Variants in ADARB1 observed in about 807,000 individuals in gnomAD.
ADARB1 encodes double-stranded RNA-specific editase 1.
In ADARB1, 10 loss-of-function variants were observed where a neutral mutation model predicts 52.4. The observed-to-expected ratio is 0.19, with a 90% CI of 0.12 to 0.32. The LOEUF (loss-of-function observed/expected upper bound fraction) is 0.32. Ranked by LOEUF, ADARB1 falls within the 10% of genes least tolerant of loss-of-function variation. The probability of loss-of-function intolerance (pLI) is 1.00; values close to 1 mark genes in which losing one functional copy is unlikely to be tolerated. For synonymous variants in ADARB1, 349 were observed against 371.1 expected, an observed-to-expected ratio of 0.94 and a Z score of 0.68; for missense variants, 643 against 922.3, an observed-to-expected ratio of 0.70 and a Z score of 3.92.
At chr21:45,166,244 T>A (rs1051633793) in intron 2 of ADARB1, among the ~76,000 whole-genome samples, 5 of 152,150 alleles carry the variant, frequency 3.3e-5, no homozygotes, top group Non-Finnish European at 7.3e-5. Context: ...TATAAAAAGG[T>A]ATAAAGAATA....
intron 2 of ADARB1, among the ~76,000 whole-genome samples, chr21:45,151,424 T>A (rs1388238335): frequency 6.6e-6 from 1 of 152,254 alleles, no homozygotes; most frequent in African/African-American, 2.4e-5. Flanking sequence ...TTGGTCATTA[T>A]TAGGAAAAGG....
In ADARB1 at chr21:45,204,758, T is replaced by C; in HGVS notation, c.1747+22T>C. On this transcript the variant is annotated intron_variant, in intron 9 of 10. Coordinates refer to ENST00000348831, the MANE Select transcript of ADARB1 (RefSeq NM_001112.4). This position sits in a 1 kb window ranked among gnomAD's most constrained non-coding sequence, Gnocchi z 4.4. Reference sequence around the variant, plus strand: ...AGTGGCAAGTATCTCTAGAGTGTGCTGATTTAATCTCTGTCTTGATTTTGC... The same window carrying C: ...AGTGGCAAGTATCTCTAGAGTGTGCCGATTTAATCTCTGTCTTGATTTTGC... 6.2e-7 allele frequency: 1 copy of C among 1,603,484 alleles called. No individual in the cohort carries two copies. The highest frequency in any genetic ancestry group is 8.5e-7 in the Non-Finnish European group (1 of 1,173,076).
At chr21:45,077,431 C>T (rs565610487) in intron 1 of ADARB1, among the ~76,000 whole-genome samples, 3 of 152,094 alleles carry the variant, frequency 2.0e-5, no homozygotes, top group Non-Finnish European at 4.4e-5. Context: ...TTTGGGAGGC[C>T]GAGGCGGGTA....
At chr21:45,115,933 C>A (rs1313913435) in intron 1 of ADARB1, among the ~76,000 whole-genome samples, 1 of 152,202 alleles carries the variant, frequency 6.6e-6, no homozygotes, top group Non-Finnish European at 1.5e-5. Flanking sequence ...CTTCCCCCTG[C>A]AAAGCAAAAT....
In ADARB1 at chr21:45,181,782, G is replaced by C. The variant is rs138831166; in HGVS notation, c.1079-803G>C. 3.4e-3 allele frequency among the ~76,000 whole-genome samples: 518 copies of C among 152,342 alleles called. 1 individual carries two copies. Among genetic ancestry groups the C allele is most frequent in the African/African-American group, 0.012 (485 of 41,570 alleles). Reference sequence around the variant, plus strand: ...TTCAGGGGGCTCCCGCTGGTTGAGTGGACTTGGGCAGGTTACAAGGCCTCT... The same window carrying C: ...TTCAGGGGGCTCCCGCTGGTTGAGTCGACTTGGGCAGGTTACAAGGCCTCT... On this transcript the variant is annotated intron_variant, in intron 5 of 10. Coordinates refer to ENST00000348831, the MANE Select transcript of ADARB1 (RefSeq NM_001112.4).
chr21:45,158,880 G>A (rs2090810437), intron 2 of ADARB1, among the ~76,000 whole-genome samples: 1 of 152,140 alleles, frequency 6.6e-6, no homozygotes, highest in African/African-American at 2.4e-5. Context: ...AGCTTGTGGT[G>A]GGTTGGAGTG....
At chr21:45,184,133 A>C (rs1018244398) in intron 7 of ADARB1, among the ~76,000 whole-genome samples, 1 of 152,228 alleles carries the variant, frequency 6.6e-6, no homozygotes, top group Admixed American at 6.5e-5. Flanking sequence ...AGAACATTAA[A>C]ATCATCCGTA....
At chr21:45,192,600 G>A (rs575579248) in intron 8 of ADARB1, among the ~76,000 whole-genome samples, 20 of 152,162 alleles carry the variant, frequency 1.3e-4, no homozygotes, top group Non-Finnish European at 2.6e-4. Context: ...ATAAGAAGCT[G>A]CCCCTCCGTG....
intron 1 of ADARB1, among the ~76,000 whole-genome samples, chr21:45,125,906 G>A (rs560486681): frequency 6.6e-6 from 1 of 152,270 alleles, no homozygotes; most frequent in African/African-American, 2.4e-5. Context: ...ACTTGTTCAG[G>A]TAGGCACTCT....
At chr21:45,105,379 G>A (rs1241234141) in intron 1 of ADARB1, among the ~76,000 whole-genome samples, 2 of 152,190 alleles carry the variant, frequency 1.3e-5, no homozygotes, top group Admixed American at 6.5e-5. Flanking sequence ...TGGGATTATA[G>A]GCATGAGCCA....
At chr21:45,170,569 C>A (rs2091439438) in intron 2 of ADARB1, among the ~76,000 whole-genome samples, 1 of 151,446 alleles carries the variant, frequency 6.6e-6, no homozygotes, top group Non-Finnish European at 1.5e-5. Context: ...TCATGAAAAA[C>A]TATATATATA....
intron 1 of ADARB1, among the ~76,000 whole-genome samples, chr21:45,092,650 G>C (rs2123690205): frequency 6.6e-6 from 1 of 152,196 alleles, no homozygotes; most frequent in African/African-American, 2.4e-5. Flanking sequence ...CAAGTCACTT[G>C]ACTAGACTGA....
rs754692172 is a variant in ADARB1 at position 45,176,674 on chromosome 21, T to G, written c.963+10T>G. 4 of 1,585,144 alleles carry G rather than the reference T, an allele frequency of 2.5e-6. No individual in the cohort carries two copies. In the Admixed American group the frequency reaches 5.4e-5, roughly 21 times the overall value. On this transcript the variant is annotated intron_variant, in intron 4 of 10. Transcript: ENST00000348831. This position sits in a 1 kb window ranked among gnomAD's most constrained non-coding sequence, Gnocchi z 5.8. ...GCTGCATTTACCGCAGGTGAGGAAC[T>G]ATGCTGCTGCTTTAAAACACGGGGT...
At chr21:45,167,192 T>G (rs913717962) in intron 2 of ADARB1, among the ~76,000 whole-genome samples, 2 of 152,240 alleles carry the variant, frequency 1.3e-5, no homozygotes, top group Non-Finnish European at 2.9e-5. Context: ...ATGACTATTT[T>G]CTACTGCGAG....
intron 1 of ADARB1, among the ~76,000 whole-genome samples, chr21:45,095,474 G>T (rs1156926519): frequency 1.3e-5 from 2 of 152,176 alleles, no homozygotes; most frequent in Non-Finnish European, 2.9e-5. Flanking sequence ...CAGTGGTGTG[G>T]GGCTGGGACA....
intron 2 of ADARB1, among the ~76,000 whole-genome samples, chr21:45,170,586 A>C (rs399185): frequency 0.52 from 78,688 of 151,212 alleles, 20,777 homozygotes; most frequent in South Asian, 0.58. Context: ...TATAAAATAT[A>C]TATTTTTAGA....
chr21:45,153,639 T>C, intron 2 of ADARB1, among the ~76,000 whole-genome samples: 1 of 152,214 alleles, frequency 6.6e-6, no homozygotes, highest in Non-Finnish European at 1.5e-5. Context: ...AAGTCAGCAA[T>C]CTTGTAATAG....
chr21:45,176,565 T>G lies in ADARB1; in HGVS notation c.864T>G (p.Ala288=). The G allele has an allele frequency of 6.2e-7, 1 of 1,614,238 alleles. No homozygotes were observed. The highest frequency in any genetic ancestry group is 8.5e-7 in the Non-Finnish European group (1 of 1,180,038). ...ACAAGAAGCTTGCCAAGGCCCGGGCTGCGCAGTCTGCCCTGGCCGCCATTT... is the reference window on the plus strand; with the variant it reads ...ACAAGAAGCTTGCCAAGGCCCGGGCGGCGCAGTCTGCCCTGGCCGCCATTT... ...GRNKKLAKAR[A]AQSALAAIFN... Residue 288 remains alanine, a synonymous_variant, in exon 4 of 11, where the codon GCT becomes GCG. Coordinates refer to ENST00000348831, the MANE Select transcript of ADARB1 (RefSeq NM_001112.4). The surrounding 1 kb of genome is among the most constrained non-coding windows in gnomAD (Gnocchi z 5.8).
chr21:45,213,216 C>T (rs1363319614), intron 9 of ADARB1, among the ~76,000 whole-genome samples: 1 of 152,184 alleles, frequency 6.6e-6, no homozygotes, highest in African/African-American at 2.4e-5. Context: ...TCTGATTCTA[C>T]TGAACATATC....
Sources: allele counts gnomAD v4.1 joint callset (sites outside exome capture counted in the v4.1 genomes callset), GRCh38; gene constraint gnomAD v4.1.1; non-coding constraint Gnocchi (gnomAD v3.1); transcripts MANE v1.5; gene names NCBI Gene and HGNC (gene_info 2026-07-23, HGNC 2026-07-21).